STAG1: variants seen among roughly 807,000 people sequenced by gnomAD.
STAG1 encodes STAG1 cohesin complex component.
STAG1 carries 26 observed loss-of-function variants against 170.9 expected under a neutral mutation model. The observed-to-expected ratio is 0.15, with a 90% CI of 0.11 to 0.21. STAG1 has a LOEUF of 0.21. Among genes scored for constraint, STAG1 ranks in the 10% least tolerant of loss-of-function variants. The probability of loss-of-function intolerance (pLI) is 1.00; values close to 1 mark genes in which losing one functional copy is unlikely to be tolerated. For missense variants in STAG1, 964 were observed against 1,509.5 expected, an observed-to-expected ratio of 0.64 and a Z score of 5.99; for synonymous variants, 514 against 497.7, an observed-to-expected ratio of 1.03 and a Z score of -0.44.
At chr3:136,601,735 G>A (rs1938686299) in intron 4 of STAG1, among the ~76,000 whole-genome samples, 1 of 152,130 alleles carries the variant, frequency 6.6e-6, no homozygotes, top group Non-Finnish European at 1.5e-5. Context: ...TACTCGGGAG[G>A]TTGAGGCAGG....
chr3:136,533,015 A>C (rs1935453694), intron 6 of STAG1, among the ~76,000 whole-genome samples: 1 of 152,210 alleles, frequency 6.6e-6, no homozygotes, highest in Admixed American at 6.5e-5. Context: ...TATTTAGAAG[A>C]ACCCAAAGCC....
chr3:136,360,937 G>A (rs981174848), intron 26 of STAG1, among the ~76,000 whole-genome samples: 1 of 152,016 alleles, frequency 6.6e-6, no homozygotes, highest in Non-Finnish European at 1.5e-5. Context: ...CAAAGTGCTG[G>A]GATTACAGGC....
intron 1 of STAG1, among the ~76,000 whole-genome samples, chr3:136,689,325 A>G (rs539394315): frequency 6.6e-6 from 1 of 152,382 alleles, no homozygotes; most frequent in East Asian, 1.9e-4. Flanking sequence ...GAATGTGTAC[A>G]TATAGCTTTT....
intron 5 of STAG1, among the ~76,000 whole-genome samples, chr3:136,545,862 T>C (rs1936133918): frequency 6.6e-6 from 1 of 152,180 alleles, no homozygotes; most frequent in East Asian, 1.9e-4. Flanking sequence ...ATAACAGTCC[T>C]TGTGGGGGAG....
intron 8 of STAG1, among the ~76,000 whole-genome samples, chr3:136,501,687 CAGCCCTATCAAACTAATACAGT>C (rs1202210092): frequency 1.3e-5 from 2 of 152,192 alleles, no homozygotes; most frequent in African/African-American, 4.8e-5. Context: ...TTTGTCACAG[CAGCCCTATCAAACTAATACAGT>C]ATGGCTAATA....
intron 7 of STAG1, among the ~76,000 whole-genome samples, chr3:136,509,743 ACGAAGT>A (rs1178230842): frequency 3.9e-5 from 6 of 152,228 alleles, no homozygotes; most frequent in African/African-American, 1.4e-4. Flanking sequence ...GATGCCTAAA[ACGAAGT>A]CGAAGGACAC....
At chr3:136,415,798 GGTGACAGA>G (rs112087080) in intron 21 of STAG1, among the ~76,000 whole-genome samples, 103 of 152,232 alleles carry the variant, frequency 6.8e-4, no homozygotes, top group African/African-American at 2.4e-3. Context: ...CTCCAGCCTG[GGTGACAGA>G]GCGAGACTCG....
intron 13 of STAG1, among the ~76,000 whole-genome samples, chr3:136,462,219 C>T (rs1240456354): frequency 6.6e-6 from 1 of 152,048 alleles, no homozygotes; most frequent in Non-Finnish European, 1.5e-5. Context: ...AAAAAATCAG[C>T]ATATCAAAGA....
At chr3:136,576,622 C>T (rs1283194905) in intron 4 of STAG1, among the ~76,000 whole-genome samples, 2 of 152,066 alleles carry the variant, frequency 1.3e-5, no homozygotes, top group Non-Finnish European at 2.9e-5. Context: ...GAATAAAAAA[C>T]ATCAAGGCTA....
chr3:136,728,394 T>C (rs565522247), intron 1 of STAG1, among the ~76,000 whole-genome samples: 3 of 152,224 alleles, frequency 2.0e-5, no homozygotes, highest in African/African-American at 7.2e-5. Flanking sequence ...GATAAAGAAG[T>C]ATAAAGGGAG....
At chr3:136,626,740 A>T (rs1940115309) in intron 2 of STAG1, among the ~76,000 whole-genome samples, 1 of 152,326 alleles carries the variant, frequency 6.6e-6, no homozygotes, top group East Asian at 1.9e-4. Context: ...GTCAGTTTAC[A>T]TATGTTATCT....
chr3:136,603,666 C>T (rs142645333), intron 4 of STAG1, among the ~76,000 whole-genome samples: 96 of 152,198 alleles, frequency 6.3e-4, no homozygotes, highest in African/African-American at 2.2e-3. Flanking sequence ...AGGTGGATCA[C>T]GAGGTCAGCA....
chr3:136,424,071 G>A (rs1385088083), intron 16 of STAG1, among the ~76,000 whole-genome samples: 2 of 151,758 alleles, frequency 1.3e-5, no homozygotes, highest in African/African-American at 2.4e-5. Flanking sequence ...CCACGTTGAC[G>A]AGGCTGGTCT....
intron 27 of STAG1, 144 bp from the exon 28 acceptor site, chr3:136,357,992 A>G: frequency 4.6e-6 from 3 of 649,518 alleles, no homozygotes; most frequent in Non-Finnish European, 7.6e-6. Flanking sequence ...AACTAATGTG[A>G]ATATATAGGA....
chr3:136,386,770 G>A (rs576023794), intron 22 of STAG1, among the ~76,000 whole-genome samples: 33 of 152,026 alleles, frequency 2.2e-4, no homozygotes, highest in Non-Finnish European at 3.8e-4. Flanking sequence ...AATTTTACAT[G>A]GCTAGCGGAG....
chr3:136,424,495 G>C (rs1489396667), intron 16 of STAG1, among the ~76,000 whole-genome samples: 1 of 151,574 alleles, frequency 6.6e-6, no homozygotes, highest in Non-Finnish European at 1.5e-5. Context: ...CCACTAAGTC[G>C]GGCTAAGTTT....
chr3:136,564,501 GTTTTC>G lies in STAG1; in HGVS notation c.394+4259_394+4263del, dbSNP rs541460742. ...ATCCCTTTTGTAATAAGTAAAAAAT[GTTTTC>G]TTTTCATATGTTCTAAGATATGTTT... On this transcript the variant is annotated intron_variant, in intron 5 of 33. Transcript: ENST00000383202. Among the ~76,000 whole-genome samples the G allele has an allele frequency of 7.8e-4, 119 of 152,210 alleles. 1 individual carries two copies. The highest frequency in any genetic ancestry group is 2.3e-3 in the African/African-American group (96 of 41,540).
Position 136,540,822 on chromosome 3 carries a change from C to CAAAAAAAAAAAAAAA in STAG1, c.471+1282_471+1296dup, listed in dbSNP as rs554338920. 3.3e-3 allele frequency among the ~76,000 whole-genome samples: 152 copies of CAAAAAAAAAAAAAAA among 46,304 alleles called. 23 individuals are homozygous for CAAAAAAAAAAAAAAA. Among genetic ancestry groups the CAAAAAAAAAAAAAAA allele is most frequent in the Non-Finnish European group, 4.8e-3 (108 of 22,640 alleles). 30.4% of individuals were successfully genotyped at this position (46,304 alleles called of 152,430 possible). A position where few individuals can be genotyped will look rare whatever the true frequency, so the allele number is the denominator to read the frequency against. On this transcript the variant is annotated intron_variant, in intron 6 of 33. Transcript: ENST00000383202. ...GGGCGACAGAGTGAAACTGTGTCTC[C>CAAAAAAAAAAAAAAA]AAAAAAAAAAAAAAAAAAAAAAAAA...
intron 6 of STAG1, among the ~76,000 whole-genome samples, chr3:136,530,530 T>C (rs1935319306): frequency 6.6e-6 from 1 of 152,132 alleles, no homozygotes; most frequent in Admixed American, 6.6e-5. Flanking sequence ...AAAACAAGTC[T>C]CGTCAAATTT....
Sources: gnomAD v4.1 joint callset for allele counts (sites outside exome capture counted in the v4.1 genomes callset) on GRCh38, gnomAD v4.1.1 for gene constraint, MANE v1.5 for transcripts, NCBI Gene and HGNC (gene_info 2026-07-23, HGNC 2026-07-21) for gene names.